The following PDE3A variants were observed in gnomAD, a reference collection of about 807,000 sequenced individuals.
PDE3A encodes cGMP-inhibited 3',5'-cyclic phosphodiesterase 3A.
In PDE3A, 43 loss-of-function variants were observed where a neutral mutation model predicts 98.3. That is an observed-to-expected ratio of 0.44 (90% CI 0.34 to 0.56). The LOEUF (loss-of-function observed/expected upper bound fraction) is 0.56, where lower values mean the gene tolerates loss of function less well. Among genes scored for constraint, PDE3A ranks in the 20% least tolerant of loss-of-function variants. The pLI is 0.01. For synonymous variants in PDE3A, 663 were observed against 567.9 expected (o/e 1.17, Z -2.38); for missense variants, 1,427 against 1,440.7 (o/e 0.99, Z 0.15).
At chr12:20,377,676 G>C (rs1421613474) in intron 1 of PDE3A, among the ~76,000 whole-genome samples, 2 of 151,688 alleles carry the variant, frequency 1.3e-5, no homozygotes, top group Non-Finnish European at 3.0e-5. Context: ...CACTCTAATA[G>C]TTGCCAAGTC....
At chr12:20,573,073 C>G (rs1942840364) in intron 2 of PDE3A, among the ~76,000 whole-genome samples, 1 of 151,948 alleles carries the variant, frequency 6.6e-6, no homozygotes, top group African/African-American at 2.4e-5. Flanking sequence ...TAAAAACTGA[C>G]TTTGATGGTA....
At chr12:20,390,203 G>A (rs1169791384) in intron 1 of PDE3A, among the ~76,000 whole-genome samples, 8 of 151,838 alleles carry the variant, frequency 5.3e-5, no homozygotes, top group African/African-American at 1.7e-4. Context: ...TGGGGCCGGT[G>A]TGGAGAGGGG....
chr12:20,566,323 G>A (rs1942654309), intron 2 of PDE3A, among the ~76,000 whole-genome samples: 1 of 151,664 alleles, frequency 6.6e-6, no homozygotes, highest in Non-Finnish European at 1.5e-5. Context: ...TATCAAACTT[G>A]CATCAAAATA....
At chr12:20,504,456 A>G (rs1946079072) in intron 1 of PDE3A, among the ~76,000 whole-genome samples, 1 of 152,162 alleles carries the variant, frequency 6.6e-6, no homozygotes, top group South Asian at 2.1e-4. Flanking sequence ...TATTGCTGCT[A>G]TTACAAATTA....
chr12:20,683,514 T>C lies in PDE3A; in HGVS notation c.*3243T>C, dbSNP rs1293488146. ...ATAAAGTAAGAGACCAGGTGTATTC[T>C]GAGTGTCATCAGTGTTATTTTCAGC... On this transcript the variant is annotated 3_prime_UTR_variant, in exon 16 of 16. Coordinates refer to ENST00000359062, the MANE Select transcript of PDE3A (RefSeq NM_000921.5). The C allele has an allele frequency of 6.6e-6, 1 of 152,202 alleles. No individual in the cohort carries two copies. The highest frequency in any genetic ancestry group is 1.5e-5 in the Non-Finnish European group (1 of 68,020). 9.4% of individuals were successfully genotyped at this position (152,202 alleles called of 1,614,324 possible). A position where few individuals can be genotyped will look rare whatever the true frequency, so the allele number is the denominator to read the frequency against.
intron 5 of PDE3A, among the ~76,000 whole-genome samples, chr12:20,624,647 C>T (rs2121491271): frequency 6.6e-6 from 1 of 152,214 alleles, no homozygotes; most frequent in South Asian, 2.1e-4. Flanking sequence ...CACAGCACAG[C>T]TAAAAGTTTA....
intron 15 of PDE3A, among the ~76,000 whole-genome samples, chr12:20,669,009 C>T (rs1391785523): frequency 1.3e-5 from 2 of 150,704 alleles, no homozygotes; most frequent in Admixed American, 6.6e-5. Context: ...CTTAAAGGAG[C>T]TGATGGAGCT....
At chr12:20,648,283 A>G (rs1433745123) in intron 12 of PDE3A, among the ~76,000 whole-genome samples, 1 of 149,888 alleles carries the variant, frequency 6.7e-6, no homozygotes, top group African/African-American at 2.4e-5. Context: ...ATTATATATT[A>G]TATTTATATT....
chr12:20,389,657 C>G (rs552097411), intron 1 of PDE3A, among the ~76,000 whole-genome samples: 13 of 152,088 alleles, frequency 8.5e-5, no homozygotes, highest in African/African-American at 3.1e-4. Flanking sequence ...ACCATCCTTG[C>G]ACCCTCCCTG....
chr12:20,617,316 A>T (rs1944030017), intron 4 of PDE3A, among the ~76,000 whole-genome samples: 1 of 152,100 alleles, frequency 6.6e-6, no homozygotes, highest in East Asian at 1.9e-4. Flanking sequence ...TTGATTAAAA[A>T]TTTTTAATTG....
chr12:20,670,519 C>T, intron 15 of PDE3A, among the ~76,000 whole-genome samples: 1 of 152,126 alleles, frequency 6.6e-6, no homozygotes, highest in Non-Finnish European at 1.5e-5. Flanking sequence ...CAGTGCAATC[C>T]AGCTAGAACT....
intron 10 of PDE3A, among the ~76,000 whole-genome samples, 161 bp downstream of exon 10, chr12:20,640,118 G>C (rs1944612142): frequency 6.6e-6 from 1 of 152,056 alleles, no homozygotes; most frequent in African/African-American, 2.4e-5. Context: ...CTGTGTGTTA[G>C]AATCCTGGCC....
chr12:20,414,758 C>A (rs12370745), intron 1 of PDE3A, among the ~76,000 whole-genome samples: 2 of 151,974 alleles, frequency 1.3e-5, no homozygotes, highest in Admixed American at 6.5e-5. Context: ...TCTTCTGAGC[C>A]AAGTACAAAT....
intron 1 of PDE3A, among the ~76,000 whole-genome samples, chr12:20,441,299 T>G (rs1443959052): frequency 2.0e-5 from 3 of 152,088 alleles, no homozygotes; most frequent in Non-Finnish European, 4.4e-5. Context: ...GTGGAGCAGA[T>G]AGTCATTGAG....
chr12:20,432,139 T>G (rs1565547197), intron 1 of PDE3A, among the ~76,000 whole-genome samples: 1 of 152,196 alleles, frequency 6.6e-6, no homozygotes, highest in Non-Finnish European at 1.5e-5. Flanking sequence ...TTGCTTAAAG[T>G]CACACAGAAG....
chr12:20,684,072 T>G lies in PDE3A; in HGVS notation c.*3801T>G, dbSNP rs566605990. 2 of 152,264 alleles carry G rather than the reference T, an allele frequency of 1.3e-5. No homozygotes were observed. Among genetic ancestry groups the G allele is most frequent in the South Asian group, 4.1e-4 (2 of 4,826 alleles). The allele number at this position is 152,264 out of a possible 1,614,324, so 9.4% of individuals were successfully genotyped here. ...GTAATAAAAGTATAAAAATTATCAT[T>G]ATAAATAAAGTCTAAAGTTTGAAAT... On this transcript the variant is annotated 3_prime_UTR_variant, in exon 16 of 16. Transcript: ENST00000359062.
intron 1 of PDE3A, among the ~76,000 whole-genome samples, chr12:20,402,851 G>A (rs1399549410): frequency 2.0e-5 from 3 of 152,138 alleles, no homozygotes; most frequent in Non-Finnish European, 4.4e-5. Flanking sequence ...AATCCTAAGT[G>A]AGCTGTAAGA....
At chr12:20,522,839 A>T (rs1447487678) in intron 1 of PDE3A, among the ~76,000 whole-genome samples, 1 of 152,140 alleles carries the variant, frequency 6.6e-6, no homozygotes, top group Non-Finnish European at 1.5e-5. Context: ...TGGGGGAAGA[A>T]TAACACATTT....
In PDE3A at chr12:20,503,741, G is replaced by A. The variant is rs80023023; in HGVS notation, c.961-52919G>A. Among the ~76,000 whole-genome samples, 930 of 151,860 alleles carry A rather than the reference G, an allele frequency of 6.1e-3. 7 individuals carry two copies. The highest frequency in any genetic ancestry group is 0.011 in the Non-Finnish European group (717 of 67,870). On this transcript the variant is annotated intron_variant, in intron 1 of 15. Transcript: ENST00000359062. ...TGTTTGATAGTTTTGCTTATTTTAG[G>A]TTCTAATTTTAAAATATACATCATT...
Sources: allele counts gnomAD v4.1 joint callset (sites outside exome capture counted in the v4.1 genomes callset), GRCh38; gene constraint gnomAD v4.1.1; transcripts MANE v1.5; gene names NCBI Gene and HGNC (gene_info 2026-07-23, HGNC 2026-07-21).